The following LRRC69 variants were observed in gnomAD, a reference collection of about 807,000 sequenced individuals.
LRRC69 encodes the protein leucine rich repeat containing 69.
A neutral mutation model predicts 37.8 loss-of-function variants in LRRC69; 42 were observed. That is an observed-to-expected ratio of 1.11 (90% confidence interval 0.87 to 1.44). The LOEUF (loss-of-function observed/expected upper bound fraction) is 1.44, where lower values mean the gene tolerates loss of function less well. Ranked by LOEUF, LRRC69 falls within the 40% of genes most tolerant of loss-of-function variation. The probability of loss-of-function intolerance (pLI) is 0.00; values close to 1 mark genes in which losing one functional copy is unlikely to be tolerated. For missense variants in LRRC69, 357 were observed against 401.9 expected, an observed-to-expected ratio of 0.89 and a Z score of 0.96; for synonymous variants, 141 against 143.1, an observed-to-expected ratio of 0.99 and a Z score of 0.11.
intron 1 of LRRC69, among the ~76,000 whole-genome samples, chr8:91,104,828 A>G (rs1396454763): frequency 5.3e-5 from 8 of 152,018 alleles, no homozygotes; most frequent in Non-Finnish European, 1.2e-4. Flanking sequence ...TCCCTTGCAT[A>G]TCTGAAAATT....
intron 5 of LRRC69, among the ~76,000 whole-genome samples, chr8:91,140,029 G>T (rs1000132376): frequency 6.6e-6 from 1 of 150,424 alleles, no homozygotes; most frequent in Non-Finnish European, 1.5e-5. Flanking sequence ...CAGAGGTTGC[G>T]GTGAGCCAAC....
Position 91,158,211 on chromosome 8 carries a change from A to G in LRRC69, c.651+22472A>G, listed in dbSNP as rs1808870947. On this transcript the variant is annotated intron_variant, in intron 5 of 7. Coordinates refer to ENST00000448384, the Ensembl canonical transcript of LRRC69. The stretch of plus-strand genomic sequence containing the variant: ...TCTGCTTGTATTCCATGGGCTTACT[A>G]TTCAACTGTGGATCAAGTTAAGGAT... 13 of 1,601,414 alleles carry G rather than the reference A, an allele frequency of 8.1e-6. 1 individual carries two copies. The highest frequency in any genetic ancestry group is 3.4e-5 in the Admixed American group (2 of 59,328).
chr8:91,187,916 T>C (rs1308068493), intron 5 of LRRC69, among the ~76,000 whole-genome samples: 8 of 152,262 alleles, frequency 5.3e-5, no homozygotes, highest in Admixed American at 5.2e-4. Flanking sequence ...TCCTTTACAT[T>C]GATCTCTCTG....
chr8:91,195,334 G>A (rs1251803403), intron 6 of LRRC69, among the ~76,000 whole-genome samples: 4 of 151,540 alleles, frequency 2.6e-5, no homozygotes, highest in Non-Finnish European at 4.4e-5. Flanking sequence ...ATTTGGGGTG[G>A]AGAGTTCTGT....
At chr8:91,168,528 T>G (rs1809069225) in intron 5 of LRRC69, among the ~76,000 whole-genome samples, 1 of 151,950 alleles carries the variant, frequency 6.6e-6, no homozygotes, top group Non-Finnish European at 1.5e-5. Context: ...TGGTCTTTTC[T>G]TGTTTGTGTT....
At position 91,200,071 on chromosome 8, in the gene LRRC69, C is replaced by G. The variant is rs186652686; in HGVS notation, c.754-542C>G. Among the ~76,000 whole-genome samples, 19 of 152,246 alleles carry G rather than the reference C, an allele frequency of 1.2e-4. No individual in the cohort carries two copies. The East Asian group carries it at 3.5e-3, about 28-fold the overall frequency. On this transcript the variant is annotated intron_variant, in intron 6 of 7. Transcript: ENST00000448384. ...GCAAGGAATTTAGACCAGTGCTTCT[C>G]AAATTTCAATATGCGTATAGATTAC...
chr8:91,166,492 GAAA>G lies in LRRC69; in HGVS notation c.652-23008_652-23006del, dbSNP rs66705016. On this transcript the variant is annotated intron_variant, in intron 5 of 7. Transcript: ENST00000448384. ...GGAAGAGGGGGTTGTAAAATAAACT[GAAA>G]AAAAAAAAAAAAAAAAAAAAACCTA... 8.5e-3 allele frequency among the ~76,000 whole-genome samples: 810 copies of G among 95,232 alleles called. 6 individuals carry two copies. The highest frequency in any genetic ancestry group is 0.034 in the African/African-American group (657 of 19,528). 62.5% of individuals were successfully genotyped at this position (95,232 alleles called of 152,430 possible).
downstream of LRRC69, chr8:91,219,021 A>G (rs1810111115): frequency 2.2e-6 from 3 of 1,374,238 alleles, no homozygotes; most frequent in Non-Finnish European, 2.0e-6. Flanking sequence ...GTGCTCATTC[A>G]TAGCCTCACT....
chr8:91,134,806 T>A (rs1813879640), intron 4 of LRRC69, among the ~76,000 whole-genome samples: 1 of 152,146 alleles, frequency 6.6e-6, no homozygotes, highest in Non-Finnish European at 1.5e-5. Flanking sequence ...TTTCCTGACC[T>A]CCTAATACCA....
chr8:91,206,721 G>A, intron 7 of LRRC69: 1 of 1,289,636 alleles, frequency 7.8e-7, no homozygotes, highest in Non-Finnish European at 1.0e-6. Flanking sequence ...AGCAACAACA[G>A]CCAGAATTTA....
At chr8:91,160,243 T>C (rs1266255978) in intron 5 of LRRC69, among the ~76,000 whole-genome samples, 2 of 151,180 alleles carry the variant, frequency 1.3e-5, no homozygotes, top group Non-Finnish European at 3.0e-5. Context: ...ATCCTGCAAC[T>C]TTATTGAATT....
At chr8:91,188,790 A>G (rs971525529) in intron 5 of LRRC69, among the ~76,000 whole-genome samples, 5 of 149,590 alleles carry the variant, frequency 3.3e-5, no homozygotes, top group South Asian at 4.2e-4. Flanking sequence ...GACTTTCTCC[A>G]TAGAAGTTTA....
At chr8:91,197,402 C>G (rs964678469) in intron 6 of LRRC69, among the ~76,000 whole-genome samples, 12 of 152,212 alleles carry the variant, frequency 7.9e-5, no homozygotes, top group African/African-American at 2.2e-4. Flanking sequence ...CTTTGTTTAC[C>G]TAATCAAGCC....
Position 91,196,490 on chromosome 8 carries a change from C to T in LRRC69, c.754-4123C>T, listed in dbSNP as rs542477595. On this transcript the variant is annotated intron_variant, in intron 6 of 7. Coordinates refer to ENST00000448384, the Ensembl canonical transcript of LRRC69. The stretch of plus-strand genomic sequence containing the variant: ...ATCACTTTCAGGTACACCAAGCAGA[C>T]GTAGATTTGGTCTTTTCACATAGTC... Among the ~76,000 whole-genome samples the T allele has an allele frequency of 1.2e-4, 18 of 152,190 alleles. No homozygotes were observed. The East Asian group carries it at 2.1e-3, about 18-fold the overall frequency.
At chr8:91,151,148 T>G (rs1808729943) in intron 5 of LRRC69, among the ~76,000 whole-genome samples, 1 of 152,018 alleles carries the variant, frequency 6.6e-6, no homozygotes, top group African/African-American at 2.4e-5. Context: ...TGTTTGCTCT[T>G]GCTTCTCTAG....
chr8:91,208,136 A>G (rs1259311384), intron 7 of LRRC69, among the ~76,000 whole-genome samples: 2 of 152,162 alleles, frequency 1.3e-5, no homozygotes. Flanking sequence ...TAAAGACCCT[A>G]TCTCCAAATA....
At chr8:91,124,712 T>C in intron 2 of LRRC69, 93 bp downstream of exon 2, 1 of 1,129,034 alleles carries the variant, frequency 8.9e-7, no homozygotes, top group East Asian at 2.8e-5. Context: ...ATTTTGCATG[T>C]TTAATCTTTT....
At chr8:91,196,740 A>G (rs1809609118) in intron 6 of LRRC69, among the ~76,000 whole-genome samples, 2 of 149,984 alleles carry the variant, frequency 1.3e-5, no homozygotes, top group Non-Finnish European at 1.5e-5. Flanking sequence ...CTAGTTATAC[A>G]TTCTTCTAAA....
At chr8:91,214,710 T>C (rs1810006790) in intron 7 of LRRC69, among the ~76,000 whole-genome samples, 1 of 152,188 alleles carries the variant, frequency 6.6e-6, no homozygotes, top group Non-Finnish European at 1.5e-5. Flanking sequence ...GCCATTGTTA[T>C]GCTTTTCAAG....
Sources: gnomAD v4.1 joint callset for allele counts (sites outside exome capture counted in the v4.1 genomes callset) on GRCh38, gnomAD v4.1.1 for gene constraint, MANE v1.5 for transcripts, NCBI Gene and HGNC (gene_info 2026-07-23, HGNC 2026-07-21) for gene names.